Variants in DNAH8 observed in about 807,000 individuals in gnomAD.
The protein encoded by DNAH8 is dynein axonemal heavy chain 8, also known as axonemal beta dynein heavy chain 8.
In DNAH8, 382 loss-of-function variants were observed where a neutral mutation model predicts 562.1. That is an observed-to-expected ratio of 0.68 (90% CI 0.63 to 0.74). The LOEUF is 0.74. Among genes scored for constraint, DNAH8 ranks in the 30% least tolerant of loss-of-function variants. The probability of loss-of-function intolerance (pLI) is 0.00; values close to 1 mark genes in which losing one functional copy is unlikely to be tolerated. For synonymous variants in DNAH8, 1,881 were observed against 1,919.4 expected, an observed-to-expected ratio of 0.98 and a Z score of 0.52; for missense variants, 5,203 against 5,620.4, an observed-to-expected ratio of 0.93 and a Z score of 2.37.
In DNAH8 at chr6:38,974,486, A is replaced by C; in HGVS notation, c.12791A>C (p.Lys4264Thr). The C allele has an allele frequency of 6.2e-7, 1 of 1,614,066 alleles. No individual in the cohort carries two copies. The highest frequency in any genetic ancestry group is 8.5e-7 in the Non-Finnish European group (1 of 1,179,920). Residue 4264 changes from lysine (K) to threonine (T), a missense_variant, in exon 85 of 93, where the codon AAG (lysine) becomes ACG (threonine). Transcript: ENST00000327475. Reference protein sequence around the residue: ...LLDISNLPMWKPMLYTVAFLH... With the variant: ...LLDISNLPMWTPMLYTVAFLH... ...GACATCAGTAATTTACCCATGTGGA[A>C]GCCGATGCTTTACACAGTAGCATTT...
Position 39,000,377 on chromosome 6 carries a change from G to T in DNAH8, c.13215-8437G>T, listed in dbSNP as rs1027808132. On this transcript the variant is annotated intron_variant, in intron 88 of 92. Coordinates refer to ENST00000327475, the MANE Select transcript of DNAH8 (RefSeq NM_001206927.2). ...ATTTAAGTTGTGCCTTAAAGCAGGG[G>T]TCCACTACCCCTGGGCCACAAGCCA... Among the ~76,000 whole-genome samples, 11 of 152,130 alleles carry T rather than the reference G, an allele frequency of 7.2e-5. 1 individual carries two copies. Among genetic ancestry groups the T allele is most frequent in the African/African-American group, 2.4e-5 (1 of 41,426 alleles).
At chr6:38,995,885 G>C (rs1765103262) in intron 88 of DNAH8, among the ~76,000 whole-genome samples, 1 of 152,194 alleles carries the variant, frequency 6.6e-6, no homozygotes, top group African/African-American at 2.4e-5. Flanking sequence ...AGGCAGCTCT[G>C]TTCAACCACT....
rs780122913 is a variant in DNAH8, at chr6:38,906,246, C to G, written c.9195-8C>G. 14 of 1,542,398 alleles carry G rather than the reference C, an allele frequency of 9.1e-6. No homozygotes were observed. The highest frequency in any genetic ancestry group is 1.1e-5 in the Non-Finnish European group (13 of 1,132,374). ...TAATCTAAAACTTTCTATCATTTTT[C>G]TTCTTAGGTCTTACAATGTGACTAA... On this transcript the variant is annotated splice_polypyrimidine_tract_variant and splice_region_variant and intron_variant, in intron 62 of 92. Coordinates refer to ENST00000327475, the MANE Select transcript of DNAH8 (RefSeq NM_001206927.2).
chr6:38,927,354 G>A (rs999964459), intron 74 of DNAH8, among the ~76,000 whole-genome samples: 2 of 152,144 alleles, frequency 1.3e-5, no homozygotes, highest in Non-Finnish European at 2.9e-5. Flanking sequence ...TCTCATCCAA[G>A]TGGATATAGC....
At chr6:38,809,978 G>A (rs1294493506) in intron 24 of DNAH8, among the ~76,000 whole-genome samples, 2 of 152,150 alleles carry the variant, frequency 1.3e-5, no homozygotes, top group African/African-American at 2.4e-5. Context: ...AATTGTTTCA[G>A]TCTCTTTACT....
Position 38,842,422 on chromosome 6 carries a change from C to A in DNAH8, c.4521C>A (p.Ser1507Arg). 1 of 1,611,370 alleles carries A rather than the reference C, an allele frequency of 6.2e-7. No homozygotes were observed. The highest frequency in any genetic ancestry group is 8.5e-7 in the Non-Finnish European group (1 of 1,178,344). ...ATGGATTGTATGACACCGTAATGAGCAGTATTAGTGGTTATTATGAAATAC... is the reference window on the plus strand; with the variant it reads ...ATGGATTGTATGACACCGTAATGAGAAGTATTAGTGGTTATTATGAAATAC... ...KLYGLYDTVM[S>R]SISGYYEILW... Residue 1507 changes from serine to arginine, a missense_variant, in exon 34 of 93, where the codon AGC (serine) becomes AGA (arginine). This residue lies in a region of DNAH8 where 2,176 missense variants were observed against 2,365.1 expected (regional missense o/e 0.92). Coordinates refer to ENST00000327475, the MANE Select transcript of DNAH8 (RefSeq NM_001206927.2).
Position 38,882,917 on chromosome 6 carries a change from G to A in DNAH8, c.7866G>A (p.Trp2622Ter), listed in dbSNP as rs766256391. 8 of 1,572,696 alleles carry A rather than the reference G, an allele frequency of 5.1e-6. No homozygotes were observed. In the South Asian group the frequency reaches 8.6e-5, roughly 17 times the overall value. Residue 2622 changes from tryptophan to a stop codon, truncating the protein, a stop_gained, in exon 54 of 93, where the codon TGG becomes TGA. Coordinates refer to ENST00000327475, the MANE Select transcript of DNAH8 (RefSeq NM_001206927.2). LOFTEE classifies it high-confidence loss of function. ...ATTTTACTTATTATATAGGTGATTG[G>A]GAGCACTGGAATAAGAAACTTCAGC... ...YEFYVTDYGD[W>*]EHWNKKLQPY...
chr6:38,835,117 T>A (rs977343810), intron 32 of DNAH8, among the ~76,000 whole-genome samples: 6 of 152,170 alleles, frequency 3.9e-5, no homozygotes, highest in Non-Finnish European at 5.9e-5. Flanking sequence ...TACACTCGGA[T>A]TGCTGAGCGC....
At chr6:38,782,934 T>G in intron 16 of DNAH8, 70 bp from the exon 17 acceptor site, 1 of 1,361,450 alleles carries the variant, frequency 7.3e-7, no homozygotes, top group Non-Finnish European at 1.0e-6. Flanking sequence ...TACATATAAG[T>G]ACTTTCATTA....
chr6:38,732,676 C>T (rs1191499504), intron 4 of DNAH8, among the ~76,000 whole-genome samples: 1 of 152,154 alleles, frequency 6.6e-6, no homozygotes, highest in Non-Finnish European at 1.5e-5. Flanking sequence ...TTCCATCTCT[C>T]AAATCCCTTT....
At chr6:38,747,384 CTTTTTTTTTTTTTTTT>C (rs55729629) in intron 8 of DNAH8, among the ~76,000 whole-genome samples, 31 of 113,766 alleles carry the variant, frequency 2.7e-4, no homozygotes, top group African/African-American at 1.1e-3. Flanking sequence ...TTTTCTTTTT[CTTTTTTTTTTTTTTTT>C]TTTTGAGGCA....
Position 38,734,481 on chromosome 6 carries a change from T to C in DNAH8, c.618T>C (p.Gly206=), listed in dbSNP as rs1488680659. 6.8e-6 allele frequency: 11 copies of C among 1,613,640 alleles called. No homozygotes were observed. Among genetic ancestry groups the C allele is most frequent in the Non-Finnish European group, 9.3e-6 (11 of 1,179,816 alleles). The stretch of plus-strand genomic sequence containing the variant: ...CTTGACTTTTGTTTTCAGAATGTGG[T>C]CGAACTATTGCTGGAGCAACTAAAG... The part of the protein sequence containing the change: ...QEGDVPGIEC[G]RTIAGATKGA... Residue 206 remains glycine (G), a synonymous_variant, in exon 5 of 93, where the codon GGT becomes GGC. Transcript: ENST00000327475.
At chr6:38,853,471 A>C (rs1775931164) in intron 41 of DNAH8, 124 bp downstream of exon 41, 1 of 1,043,206 alleles carries the variant, frequency 9.6e-7, no homozygotes, top group Non-Finnish European at 1.4e-6. Context: ...AGAGTGGCCT[A>C]CTCACACTCA....
At chr6:38,932,222 CTCTT>C (rs1051104191) in intron 76 of DNAH8, among the ~76,000 whole-genome samples, 1 of 24,802 alleles carries the variant, frequency 4.0e-5, no homozygotes, top group Non-Finnish European at 1.2e-4. Flanking sequence ...ACACACCCGT[CTCTT>C]TCTACTTCTG....
In DNAH8 at chr6:38,741,694, A is replaced by C. The variant is rs1582877012; in HGVS notation, c.1117-17A>C. ...GAATGTAACATTTCTATATTTTATA[A>C]ATTTTTTTGACTGCAGGTACTTATT... On this transcript the variant is annotated splice_polypyrimidine_tract_variant and intron_variant, in intron 7 of 92. Coordinates refer to ENST00000327475, the MANE Select transcript of DNAH8 (RefSeq NM_001206927.2). 2 of 1,566,374 alleles carry C rather than the reference A, an allele frequency of 1.3e-6. No individual in the cohort carries two copies. The highest frequency in any genetic ancestry group is 2.3e-5 in the East Asian group (1 of 44,110).
At chr6:39,026,192 A>G (rs2150799993) in intron 91 of DNAH8, among the ~76,000 whole-genome samples, 1 of 152,320 alleles carries the variant, frequency 6.6e-6, no homozygotes, top group African/African-American at 2.4e-5. Flanking sequence ...CACCATTCCG[A>G]TCTTATTCCT....
intron 7 of DNAH8, among the ~76,000 whole-genome samples, chr6:38,740,610 G>A (rs1764447461): frequency 6.7e-6 from 1 of 150,290 alleles, no homozygotes; most frequent in African/African-American, 2.4e-5. Context: ...TAGTCTTTTT[G>A]TTTTTTTTTC....
chr6:38,813,259 T>G (rs998730921), intron 24 of DNAH8, among the ~76,000 whole-genome samples: 2 of 152,190 alleles, frequency 1.3e-5, no homozygotes, highest in East Asian at 3.8e-4. Context: ...TGGGACACTA[T>G]GAATTGAGGG....
intron 4 of DNAH8, among the ~76,000 whole-genome samples, chr6:38,730,227 A>G (rs1055474591): frequency 6.6e-6 from 1 of 152,232 alleles, no homozygotes; most frequent in African/African-American, 2.4e-5. Context: ...TCTGCTGGGA[A>G]TACACATTTT....
Sources: allele counts gnomAD v4.1 joint callset (sites outside exome capture counted in the v4.1 genomes callset), GRCh38; gene constraint gnomAD v4.1.1; regional missense constraint gnomAD v4.1.1; transcripts MANE v1.5; gene names NCBI Gene and HGNC (gene_info 2026-07-23, HGNC 2026-07-21).